RGS6: variants seen among roughly 807,000 people sequenced by gnomAD.
The protein encoded by RGS6 is regulator of G protein signaling 6, also known as regulator of G-protein signaling 6.
Under a neutral mutation model 78.5 loss-of-function variants are expected in RGS6, and 30 were observed. The ratio of observed to expected loss-of-function variants is 0.38; its 90% CI spans 0.29 to 0.52. The LOEUF is 0.52. Among genes scored for constraint, RGS6 ranks in the 20% least tolerant of loss-of-function variants. The probability of loss-of-function intolerance (pLI) is 0.85; values close to 1 mark genes in which losing one functional copy is unlikely to be tolerated. For missense variants in RGS6, 495 were observed against 609.7 expected, an observed-to-expected ratio of 0.81 and a Z score of 1.98; for synonymous variants, 206 against 206.0, an observed-to-expected ratio of 1.00 and a Z score of 0.00.
the RGS6 span, among the ~76,000 whole-genome samples, chr14:72,586,030 A>G: frequency 6.6e-6 from 1 of 152,324 alleles, no homozygotes; most frequent in South Asian, 2.1e-4. Flanking sequence ...TCAGAATAAA[A>G]TCTGAATTCC....
Position 72,404,699 on chromosome 14 carries a change from C to G in RGS6, c.185-49829C>G, listed in dbSNP as rs530285868. Among the ~76,000 whole-genome samples, 362 of 152,322 alleles carry G rather than the reference C, an allele frequency of 2.4e-3. 1 individual carries two copies. The highest frequency in any genetic ancestry group is 4.0e-3 in the Non-Finnish European group (275 of 68,032). Reference sequence around the variant, plus strand: ...TTCCAATTTACAGAGCTAGTTTGTCCTAGCATTGGCCAGAATGAAGGCTGA... The same window carrying G: ...TTCCAATTTACAGAGCTAGTTTGTCGTAGCATTGGCCAGAATGAAGGCTGA... On this transcript the variant is annotated intron_variant, in intron 3 of 17. Coordinates refer to ENST00000553525, the MANE Select transcript of RGS6 (RefSeq NM_001204424.2).
At chr14:72,095,703 T>C (rs2095389349) in intron 2 of RGS6, among the ~76,000 whole-genome samples, 1 of 152,200 alleles carries the variant, frequency 6.6e-6, no homozygotes, top group African/African-American at 2.4e-5. Flanking sequence ...CTGCCAGTCA[T>C]CAGCCTGTTA....
chr14:72,480,346 CG>C (rs2096345903), intron 12 of RGS6, among the ~76,000 whole-genome samples: 1 of 152,074 alleles, frequency 6.6e-6, no homozygotes, highest in Non-Finnish European at 1.5e-5. Flanking sequence ...AAGGTGGAGG[CG>C]GGGAGCCCGG....
chr14:72,545,480 T>A (rs1457127608), intron 17 of RGS6, among the ~76,000 whole-genome samples: 2 of 151,998 alleles, frequency 1.3e-5, no homozygotes, highest in African/African-American at 2.4e-5. Flanking sequence ...GGTTTTCTCC[T>A]CTGAAATGAC....
At chr14:72,146,177 T>A (rs1464068178) in intron 2 of RGS6, among the ~76,000 whole-genome samples, 2 of 152,138 alleles carry the variant, frequency 1.3e-5, no homozygotes, top group African/African-American at 4.8e-5. Flanking sequence ...CCCAGTCTTA[T>A]GATACAAACC....
chr14:72,298,891 G>A (rs1256846738), intron 2 of RGS6, among the ~76,000 whole-genome samples: 1 of 152,168 alleles, frequency 6.6e-6, no homozygotes, highest in African/African-American at 2.4e-5. Flanking sequence ...GAATTTGCCA[G>A]GGAACCTCTC....
At chr14:72,007,599 T>A (rs1206928214) in intron 2 of RGS6, among the ~76,000 whole-genome samples, 1 of 152,176 alleles carries the variant, frequency 6.6e-6, no homozygotes, top group Non-Finnish European at 1.5e-5. Context: ...CATCAGCTAT[T>A]GTTAGTATAT....
rs368949150 is a variant in RGS6, at chr14:72,431,754, C to T, written c.185-22774C>T. The stretch of plus-strand genomic sequence containing the variant: ...AGGTCCCTGCACCCATCACCAGGCC[C>T]CCAAGGGATATGGACAGGGAGAGCC... On this transcript the variant is annotated intron_variant, in intron 3 of 17. Transcript: ENST00000553525. 3.0e-3 allele frequency among the ~76,000 whole-genome samples: 451 copies of T among 152,228 alleles called. 4 individuals carry two copies. In the South Asian group the frequency reaches 0.035, roughly 12 times the overall value.
the RGS6 span, among the ~76,000 whole-genome samples, chr14:72,608,791 G>A: frequency 1.3e-5 from 2 of 152,300 alleles, no homozygotes; most frequent in South Asian, 2.1e-4. Context: ...TCATCACCAG[G>A]CAGCAACTGA....
At chr14:72,160,341 A>G (rs2096835344) in intron 2 of RGS6, among the ~76,000 whole-genome samples, 1 of 152,106 alleles carries the variant, frequency 6.6e-6, no homozygotes, top group Admixed American at 6.5e-5. Flanking sequence ...GCCAATAAAT[A>G]TGTAAAAAAG....
rs551475452 is a variant in RGS6, at chr14:72,489,285, G to A, written c.855-5867G>A. Among the ~76,000 whole-genome samples the A allele has an allele frequency of 4.3e-4, 65 of 152,202 alleles. 1 individual carries two copies. Among genetic ancestry groups the A allele is most frequent in the Non-Finnish European group, 7.8e-4 (53 of 68,024 alleles). On this transcript the variant is annotated intron_variant, in intron 12 of 17. Coordinates refer to ENST00000553525, the MANE Select transcript of RGS6 (RefSeq NM_001204424.2). ...CCTCTGGGGCACCTCAGTACAACTC[G>A]TCACCCCCTGAACAGGATTTCGGTT...
intron 2 of RGS6, among the ~76,000 whole-genome samples, chr14:72,345,843 G>A (rs1364194710): frequency 6.6e-6 from 1 of 152,192 alleles, no homozygotes; most frequent in Non-Finnish European, 1.5e-5. Context: ...AATGCATTGT[G>A]TCTTTAAAAA....
At chr14:72,629,534 T>C in the RGS6 span, 23 of 1,265,020 alleles carry the variant, frequency 1.8e-5, no homozygotes, top group Non-Finnish European at 2.5e-5. Flanking sequence ...CCCAGGGGCC[T>C]AGTGACAAGA....
chr14:71,966,128 T>G (rs1001530159), intron 2 of RGS6, among the ~76,000 whole-genome samples: 42 of 152,224 alleles, frequency 2.8e-4, no homozygotes, highest in African/African-American at 1.0e-3. Flanking sequence ...ACTAACTCTC[T>G]TGTATGTTAA....
intron 2 of RGS6, among the ~76,000 whole-genome samples, chr14:72,332,786 C>A (rs1425178945): frequency 6.6e-6 from 1 of 152,222 alleles, no homozygotes; most frequent in Non-Finnish European, 1.5e-5. Context: ...TGGGGAAAAG[C>A]CTTCCTCGGG....
chr14:72,495,070 T>G lies in RGS6; in HGVS notation c.855-82T>G, dbSNP rs2074952. ...CTTTAATTTAGAATTATGTGAAGAC[T>G]GCTATAATGTTTGTGTAAAACAGAA... On this transcript the variant is annotated intron_variant, in intron 12 of 17. Coordinates refer to ENST00000553525, the MANE Select transcript of RGS6 (RefSeq NM_001204424.2). 553 of 819,436 alleles carry G rather than the reference T, an allele frequency of 6.7e-4. 11 individuals are homozygous for G. In the East Asian group the frequency reaches 0.013, roughly 20 times the overall value. The allele number at this position is 819,436 out of a possible 1,614,324, so 50.8% of individuals were successfully genotyped here.
intron 2 of RGS6, among the ~76,000 whole-genome samples, chr14:72,154,713 T>C (rs1275599329): frequency 6.6e-6 from 1 of 152,240 alleles, no homozygotes; most frequent in African/African-American, 2.4e-5. Context: ...TAAATGATAC[T>C]CAGTGTTCCT....
At chr14:72,163,894 A>T (rs896764927) in intron 2 of RGS6, among the ~76,000 whole-genome samples, 8 of 151,956 alleles carry the variant, frequency 5.3e-5, no homozygotes, top group Admixed American at 5.2e-4. Flanking sequence ...AAAAAAAAAA[A>T]AAAAATGCAG....
At chr14:72,008,089 TAGAG>T (rs1222624533) in intron 2 of RGS6, among the ~76,000 whole-genome samples, 1 of 152,152 alleles carries the variant, frequency 6.6e-6, no homozygotes, top group African/African-American at 2.4e-5. Context: ...AGGCCTTAAT[TAGAG>T]ACCAAATCAA....
Sources: allele counts gnomAD v4.1 joint callset (sites outside exome capture counted in the v4.1 genomes callset), GRCh38; gene constraint gnomAD v4.1.1; transcripts MANE v1.5; gene names NCBI Gene and HGNC (gene_info 2026-07-23, HGNC 2026-07-21).